The following FNDC1 variants were observed in gnomAD, a reference collection of about 807,000 sequenced individuals.
The protein encoded by FNDC1 is fibronectin type III domain containing 1.
Under a neutral mutation model 168.0 loss-of-function variants are expected in FNDC1, and 96 were observed. That is an observed-to-expected ratio of 0.57 (90% confidence interval 0.48 to 0.68). FNDC1 has a LOEUF of 0.68. FNDC1 is among the 30% of genes least tolerant of loss of function. The pLI, the probability that FNDC1 is intolerant of heterozygous loss-of-function variation, is 0.00. For synonymous variants in FNDC1, 1,099 were observed against 1,025.9 expected (o/e 1.07, Z -1.36); for missense variants, 2,587 against 2,482.1 (o/e 1.04, Z -0.90).
intron 1 of FNDC1, among the ~76,000 whole-genome samples, chr6:159,182,483 T>C (rs1781901667): frequency 6.6e-6 from 1 of 152,226 alleles, no homozygotes; most frequent in Admixed American, 6.5e-5. Context: ...ATTCCATTAA[T>C]GCCATACTCT....
chr6:159,251,409 C>A lies in FNDC1; in HGVS notation c.4942C>A (p.Leu1648Met). 1 of 1,613,958 alleles carries A rather than the reference C, an allele frequency of 6.2e-7. No individual in the cohort carries two copies. The highest frequency in any genetic ancestry group is 8.5e-7 in the Non-Finnish European group (1 of 1,179,876). ...CCTGGATGAAATCATCCCCAATGAC[C>A]TGAAGAAGAGTGACCTGCCTCCCCA... ...DSLDEIIPND[L>M]KKSDLPPQHA... The change falls in exon 17 of 23, where the codon CTG (leucine) becomes ATG (methionine). Residue 1648 changes from leucine to methionine, a missense_variant. Physicochemically the swap from Leu to Met is conservative, Grantham distance 15 (BLOSUM62 2). Transcript: ENST00000297267.
In FNDC1 at chr6:159,234,457, T is replaced by G. The variant is rs779331524; in HGVS notation, c.3945T>G (p.Pro1315=). 3 of 1,613,478 alleles carry G rather than the reference T, an allele frequency of 1.9e-6. No homozygotes were observed. In the South Asian group the frequency reaches 3.3e-5, roughly 18 times the overall value. The change falls in exon 11 of 23, where the codon CCT becomes CCG. Residue 1315 remains proline, a synonymous_variant. Transcript: ENST00000297267. The part of the protein sequence containing the change: ...ARFRNPLSRQ[P]ARPSYRQGYN... ...TCCGTAACCCTCTCTCCCGACAGCC[T>G]GCCAGACCCTCTTACAGACAAGGTA...
chr6:159,262,055 C>T (rs1777496440), intron 19 of FNDC1, among the ~76,000 whole-genome samples: 1 of 152,176 alleles, frequency 6.6e-6, no homozygotes, highest in South Asian at 2.1e-4. Context: ...TGTAGTGAGC[C>T]ATGATCATGC....
At chr6:159,235,269 C>A (rs530017402) in intron 11 of FNDC1, among the ~76,000 whole-genome samples, 1 of 152,084 alleles carries the variant, frequency 6.6e-6, no homozygotes, top group Non-Finnish European at 1.5e-5. Context: ...TGCTTTAAAC[C>A]CTCCTTGTAT....
Position 159,256,558 on chromosome 6 carries a change from A to T in FNDC1, c.5101A>T (p.Ile1701Phe). ...TTACAGTGCATCCTATGAAGACTTC[A>T]TCAGGAACAAGTGGTCCACTCAAGC... Reference protein sequence around the residue: ...LVYSASYEDFIRNKWSTQASS... With the variant: ...LVYSASYEDFFRNKWSTQASS... The change falls in exon 18 of 23, where the codon ATC becomes TTC. Residue 1701 changes from isoleucine (I) to phenylalanine (F), a missense_variant. Ile to Phe is a conservative substitution (Grantham distance 21, BLOSUM62 0). Coordinates refer to ENST00000297267, the MANE Select transcript of FNDC1 (RefSeq NM_032532.3). The T allele has an allele frequency of 6.2e-7, 1 of 1,613,984 alleles. No individual in the cohort carries two copies. The highest frequency in any genetic ancestry group is 1.1e-5 in the South Asian group (1 of 91,078).
chr6:159,243,123 GC>G (rs1194198242), intron 14 of FNDC1: 1 of 151,766 alleles, frequency 6.6e-6, no homozygotes, highest in African/African-American at 2.4e-5. Context: ...GGATATCCAA[GC>G]AAGACCTTAA....
At chr6:159,199,861 T>C in intron 2 of FNDC1, 135 bp from the exon 3 acceptor site, 2 of 686,018 alleles carry the variant, frequency 2.9e-6, no homozygotes, top group South Asian at 1.8e-5. Flanking sequence ...TCTATCATTA[T>C]GCTTGTCACT....
chr6:159,176,349 G>A (rs891352979), intron 1 of FNDC1, among the ~76,000 whole-genome samples: 1 of 152,342 alleles, frequency 6.6e-6, no homozygotes, highest in Non-Finnish European at 1.5e-5. Flanking sequence ...CATAGTGCCT[G>A]CTGTCAGAGG....
intron 17 of FNDC1, among the ~76,000 whole-genome samples, chr6:159,253,424 C>T (rs1364787479): frequency 2.0e-5 from 3 of 152,268 alleles, no homozygotes; most frequent in South Asian, 2.1e-4. Context: ...ATCACATTAT[C>T]GGGCCCCCTG....
chr6:159,203,742 T>C (rs1782424198), intron 4 of FNDC1, among the ~76,000 whole-genome samples: 1 of 152,142 alleles, frequency 6.6e-6, no homozygotes, highest in Non-Finnish European at 1.5e-5. Context: ...CAAGTTGTTT[T>C]GGCTTTTTTT....
intron 18 of FNDC1, among the ~76,000 whole-genome samples, chr6:159,258,958 A>G (rs1373143587): frequency 6.6e-6 from 1 of 152,154 alleles, no homozygotes; most frequent in Non-Finnish European, 1.5e-5. Context: ...AGCTTTGGTT[A>G]TTTACAATTG....
At chr6:159,178,487 TC>T (rs1280077965) in intron 1 of FNDC1, among the ~76,000 whole-genome samples, 1 of 152,098 alleles carries the variant, frequency 6.6e-6, no homozygotes, top group Non-Finnish European at 1.5e-5. Flanking sequence ...TAGTGCCGCA[TC>T]CCAGCCAGGA....
intron 1 of FNDC1, among the ~76,000 whole-genome samples, chr6:159,194,321 T>G (rs984904877): frequency 6.6e-6 from 1 of 152,216 alleles, no homozygotes; most frequent in Non-Finnish European, 1.5e-5. Context: ...CCTGTTGAAT[T>G]GATGTTTGGG....
intron 1 of FNDC1, among the ~76,000 whole-genome samples, chr6:159,192,834 C>A (rs1008949161): frequency 6.6e-6 from 1 of 152,124 alleles, no homozygotes; most frequent in African/African-American, 2.4e-5. Flanking sequence ...TTTTTCAGAG[C>A]CTTCCGGTCT....
chr6:159,192,258 G>A (rs865840170), intron 1 of FNDC1, among the ~76,000 whole-genome samples: 1 of 151,992 alleles, frequency 6.6e-6, no homozygotes, highest in Admixed American at 6.5e-5. Flanking sequence ...CCTACCTTGA[G>A]AACTTAATGA....
At chr6:159,205,720 C>CATTTCA (rs1321530946) in intron 4 of FNDC1, among the ~76,000 whole-genome samples, 1 of 152,196 alleles carries the variant, frequency 6.6e-6, no homozygotes, top group Non-Finnish European at 1.5e-5. Flanking sequence ...AACTATGAGG[C>CATTTCA]TGAGTGGACG....
At chr6:159,254,331 AC>A (rs1238174441) in intron 17 of FNDC1, among the ~76,000 whole-genome samples, 12 of 152,024 alleles carry the variant, frequency 7.9e-5, no homozygotes, top group African/African-American at 2.4e-4. Flanking sequence ...CAGAGTCTCA[AC>A]CATGCACATG....
rs962474370 is a variant in FNDC1, at chr6:159,185,949, C to T, written c.110-11482C>T. ...TCTGAATTTAATGCAATCTGTCAGA[C>T]GGTTATATATTAGTTGGGAAACTGG... is the stretch of plus-strand genomic sequence containing the variant. On this transcript the variant is annotated intron_variant, in intron 1 of 22. Coordinates refer to ENST00000297267, the MANE Select transcript of FNDC1 (RefSeq NM_032532.3). Among the ~76,000 whole-genome samples, 10 of 152,110 alleles carry T rather than the reference C, an allele frequency of 6.6e-5. No individual in the cohort carries two copies. The South Asian group carries it at 8.3e-4, about 13-fold the overall frequency.
chr6:159,189,224 G>A (rs959314604), intron 1 of FNDC1, among the ~76,000 whole-genome samples: 3 of 152,106 alleles, frequency 2.0e-5, no homozygotes, highest in Non-Finnish European at 4.4e-5. Context: ...CCTAGAACTA[G>A]GGCTGTAAGC....
Sources: gnomAD v4.1 joint callset for allele counts (sites outside exome capture counted in the v4.1 genomes callset) on GRCh38, gnomAD v4.1.1 for gene constraint, MANE v1.5 for transcripts, NCBI Gene and HGNC (gene_info 2026-07-23, HGNC 2026-07-21) for gene names.